Variants in ZXDC observed in about 807,000 individuals in gnomAD.
The protein encoded by ZXDC is ZXD family zinc finger C, also known as zinc finger protein ZXDC.
ZXDC carries 58 observed loss-of-function variants against 63.6 expected under a neutral mutation model. That is an observed-to-expected ratio of 0.91 (90% CI 0.74 to 1.13). The LOEUF (loss-of-function observed/expected upper bound fraction) is 1.13. ZXDC is among the 50% of genes most tolerant of loss of function. ZXDC has a pLI of 0.00. For synonymous variants in ZXDC, 561 were observed against 496.1 expected, an observed-to-expected ratio of 1.13 and a Z score of -1.74; for missense variants, 1,133 against 1,148.9, an observed-to-expected ratio of 0.99 and a Z score of 0.20.
chr3:126,459,468 C>T (rs1426344517), intron 7 of ZXDC, 185 bp downstream of exon 7: 1 of 985,344 alleles, frequency 1.0e-6, no homozygotes, highest in Non-Finnish European at 1.2e-6. Context: ...CATACTGATG[C>T]TGGGAATTTT....
chr3:126,459,218 C>CT (rs1934425669), intron 7 of ZXDC: 4 of 985,314 alleles, frequency 4.1e-6, no homozygotes, highest in Non-Finnish European at 4.8e-6. Flanking sequence ...CAACATAACT[C>CT]TGACAATGCC....
intron 4 of ZXDC, among the ~76,000 whole-genome samples, chr3:126,469,224 T>C (rs1354309778): frequency 6.6e-6 from 1 of 152,118 alleles, no homozygotes; most frequent in African/African-American, 2.4e-5. Flanking sequence ...CTCTCCTCCA[T>C]TTATACTCTT....
At chr3:126,469,763 A>G (rs1417937991) in intron 4 of ZXDC, among the ~76,000 whole-genome samples, 1 of 151,738 alleles carries the variant, frequency 6.6e-6, no homozygotes, top group Non-Finnish European at 1.5e-5. Flanking sequence ...GTCTGGGGAA[A>G]CTCTCTGCGC....
intron 4 of ZXDC, among the ~76,000 whole-genome samples, chr3:126,469,581 C>A (rs1400351510): frequency 1.3e-5 from 2 of 152,210 alleles, no homozygotes; most frequent in African/African-American, 4.8e-5. Flanking sequence ...ATCCTGAAGC[C>A]AGGCTAAGCC....
At chr3:126,460,429 C>G in intron 6 of ZXDC, 1 of 979,070 alleles carries the variant, frequency 1.0e-6, no homozygotes, top group Non-Finnish European at 1.2e-6. Flanking sequence ...GGTAGCCCAA[C>G]GTCACACAGC....
chr3:126,440,412 G>A (rs773382034), intron 8 of ZXDC: 81 of 985,354 alleles, frequency 8.2e-5, no homozygotes, highest in East Asian at 2.3e-4. Context: ...ACTGAGGCCC[G>A]GAGTGCTTAA....
chr3:126,452,809 G>A (rs957578963), intron 7 of ZXDC, among the ~76,000 whole-genome samples: 3 of 151,042 alleles, frequency 2.0e-5, no homozygotes, highest in Non-Finnish European at 4.4e-5. Flanking sequence ...GCAGATCCTA[G>A]CTCACGACAA....
At chr3:126,464,092 C>T (rs1308279181) in intron 5 of ZXDC, among the ~76,000 whole-genome samples, 10 of 152,176 alleles carry the variant, frequency 6.6e-5, no homozygotes, top group African/African-American at 2.4e-4. Flanking sequence ...GGACTCAGCT[C>T]CCTGTGAAGA....
intron 7 of ZXDC, chr3:126,451,160 A>G: frequency 1.0e-6 from 1 of 985,450 alleles, no homozygotes. Flanking sequence ...AATTACACAA[A>G]GTATTTTCCA....
chr3:126,455,194 CAT>C (rs1272871005), intron 7 of ZXDC: 2 of 505,114 alleles, frequency 4.0e-6, no homozygotes, highest in Non-Finnish European at 5.1e-6. Context: ...AATTTAGCAA[CAT>C]AACTGACCTG....
In ZXDC at chr3:126,474,979, G is replaced by A; in HGVS notation, c.887C>T (p.Pro296Leu). 1 of 1,586,984 alleles carries A rather than the reference G, an allele frequency of 6.3e-7. No individual in the cohort carries two copies. The highest frequency in any genetic ancestry group is 8.6e-7 in the Non-Finnish European group (1 of 1,167,142). Residue 296 changes from proline (P) to leucine (L), a missense_variant, in exon 1 of 10, where the codon CCT becomes CTT. Pro to Leu is a moderately conservative substitution (Grantham distance 98, BLOSUM62 -3). Transcript: ENST00000389709. ...GTTACCGGGAAAGTCACACTTGTAA[G>A]GGCGCTCGGGCTCGAAGTGGCTGCG... is the stretch of plus-strand genomic sequence containing the variant. ...HQRSHFEPER[P>L]YKCDFPGCEK...
At chr3:126,452,814 C>T (rs1377790767) in intron 7 of ZXDC, among the ~76,000 whole-genome samples, 1 of 151,492 alleles carries the variant, frequency 6.6e-6, no homozygotes, top group Non-Finnish European at 1.5e-5. Flanking sequence ...TCCTAGCTCA[C>T]GACAACCTCC....
chr3:126,461,319 T>G, intron 6 of ZXDC: 1 of 1,362,872 alleles, frequency 7.3e-7, no homozygotes, highest in Non-Finnish European at 9.4e-7. Flanking sequence ...TAGCCAAATC[T>G]CCTTATGCAG....
chr3:126,471,873 A>C, intron 3 of ZXDC, 100 bp downstream of exon 3: 1 of 1,050,598 alleles, frequency 9.5e-7, no homozygotes, highest in Non-Finnish European at 1.3e-6. Context: ...CTTTTTTAAC[A>C]ACTTAAAAAA....
chr3:126,471,141 A>G (rs538094618), intron 3 of ZXDC, 116 bp from the exon 4 acceptor site: 29 of 1,378,220 alleles, frequency 2.1e-5, no homozygotes, highest in African/African-American at 4.4e-5. Context: ...TGATCAGTAC[A>G]TTTCGGAAAA....
At chr3:126,447,762 T>C (rs1933936515) in intron 7 of ZXDC, among the ~76,000 whole-genome samples, 1 of 152,240 alleles carries the variant, frequency 6.6e-6, no homozygotes, top group South Asian at 2.1e-4. Context: ...CTGTTCGGCC[T>C]CTGTGGACCC....
chr3:126,444,339 T>C (rs542320246), intron 7 of ZXDC, among the ~76,000 whole-genome samples: 11 of 152,150 alleles, frequency 7.2e-5, no homozygotes, highest in Middle Eastern at 3.2e-3. Flanking sequence ...GAGACCATCC[T>C]GGCTAACACG....
chr3:126,469,849 T>C (rs1934912350), intron 4 of ZXDC, among the ~76,000 whole-genome samples: 1 of 152,246 alleles, frequency 6.6e-6, no homozygotes, highest in Non-Finnish European at 1.5e-5. Context: ...GAGGAACTGT[T>C]TCTCAGTTAC....
chr3:126,471,168 A>C, intron 3 of ZXDC, 143 bp from the exon 4 acceptor site: 1 of 1,248,104 alleles, frequency 8.0e-7, no homozygotes, highest in Non-Finnish European at 1.1e-6. Context: ...TTCTGTCTTT[A>C]ATCCATGTGA....
Sources: allele counts gnomAD v4.1 joint callset (sites outside exome capture counted in the v4.1 genomes callset), GRCh38; gene constraint gnomAD v4.1.1; transcripts MANE v1.5; gene names NCBI Gene and HGNC (gene_info 2026-07-23, HGNC 2026-07-21).